The following CADPS2 variants were observed in gnomAD, a reference collection of about 807,000 sequenced individuals.
CADPS2 encodes the protein calcium dependent secretion activator 2, also known as calcium-dependent secretion activator 2.
Under a neutral mutation model 172.5 loss-of-function variants are expected in CADPS2, and 93 were observed. That is an observed-to-expected ratio of 0.54 (90% CI 0.46 to 0.64). CADPS2 has a LOEUF of 0.64. CADPS2 is among the 30% of genes least tolerant of loss of function. CADPS2 has a pLI of 0.00. For synonymous variants in CADPS2, 546 were observed against 555.2 expected, an observed-to-expected ratio of 0.98 and a Z score of 0.23; for missense variants, 1,420 against 1,565.9, an observed-to-expected ratio of 0.91 and a Z score of 1.57.
At chr7:122,702,590 G>T in intron 2 of CADPS2, 2 of 1,613,554 alleles carry the variant, frequency 1.2e-6, no homozygotes, top group Non-Finnish European at 1.7e-6. Flanking sequence ...TCCTAATTCC[G>T]ATGTGATCTC....
intron 8 of CADPS2, among the ~76,000 whole-genome samples, chr7:122,527,611 A>AGT (rs2061355685): frequency 9.0e-6 from 1 of 110,736 alleles, no homozygotes; most frequent in Non-Finnish European, 2.0e-5. Flanking sequence ...AGAGAGAGAG[A>AGT]GAGAGAGTGT....
chr7:122,824,305 G>T (rs534285398), intron 1 of CADPS2, among the ~76,000 whole-genome samples: 19 of 152,230 alleles, frequency 1.2e-4, no homozygotes, highest in African/African-American at 4.6e-4. Flanking sequence ...AAGAGCTAAG[G>T]TCCATCTCAA....
chr7:122,354,995 T>C (rs1383936767), intron 27 of CADPS2, among the ~76,000 whole-genome samples: 1 of 152,214 alleles, frequency 6.6e-6, no homozygotes, highest in African/African-American at 2.4e-5. Context: ...CTGGAATTTA[T>C]TTCTGTTCAG....
In CADPS2 at chr7:122,490,236, T is replaced by C; in HGVS notation, c.1697A>G (p.Asp566Gly). 6.2e-7 allele frequency: 1 copy of C among 1,613,184 alleles called. No homozygotes were observed. Among genetic ancestry groups the C allele is most frequent in the Non-Finnish European group, 8.5e-7 (1 of 1,179,508 alleles). ...CMFFNAVKEG[D>G]TVIFASDDEQ... ...ATCATCACTGGCAAAGATTACAGTA[T>C]CTCCTTCTTTAACAGCATTAAAGAA... Residue 566 changes from aspartate to glycine, a missense_variant, in exon 11 of 30, where the codon GAT (aspartate) becomes GGT (glycine). Physicochemically the swap from Asp to Gly is moderately conservative, Grantham distance 94 (BLOSUM62 -1). Coordinates refer to ENST00000449022, the MANE Select transcript of CADPS2 (RefSeq NM_017954.11).
At chr7:122,400,341 G>A (rs1183012943) in intron 20 of CADPS2, among the ~76,000 whole-genome samples, 1 of 152,002 alleles carries the variant, frequency 6.6e-6, no homozygotes, top group Admixed American at 6.5e-5. Flanking sequence ...GGAGGCTGAG[G>A]CAGGAGAATT....
intron 4 of CADPS2, 37 bp from the exon 5 acceptor site, chr7:122,621,754 G>T: frequency 8.6e-7 from 1 of 1,165,792 alleles, no homozygotes; most frequent in Non-Finnish European, 1.2e-6. Flanking sequence ...TGTTACATAA[G>T]TCATATTTCA....
chr7:122,433,708 TTC>T (rs2050273113), intron 17 of CADPS2, among the ~76,000 whole-genome samples: 1 of 152,130 alleles, frequency 6.6e-6, no homozygotes, highest in Non-Finnish European at 1.5e-5. Context: ...TGGCCGATTT[TTC>T]TCTTTTCTAA....
chr7:122,727,302 T>C (rs1287555462), intron 2 of CADPS2, among the ~76,000 whole-genome samples: 3 of 151,826 alleles, frequency 2.0e-5, no homozygotes, highest in Non-Finnish European at 4.4e-5. Context: ...CAGCCTTTCC[T>C]TGGGCCTGGG....
chr7:122,717,249 T>C (rs751812254), intron 2 of CADPS2, among the ~76,000 whole-genome samples: 20 of 152,148 alleles, frequency 1.3e-4, no homozygotes, highest in Non-Finnish European at 2.2e-4. Context: ...TCTCATCTTC[T>C]CAATTTGGTC....
chr7:122,745,385 A>T (rs2092679405), intron 1 of CADPS2, among the ~76,000 whole-genome samples: 1 of 151,912 alleles, frequency 6.6e-6, no homozygotes, highest in African/African-American at 2.4e-5. Flanking sequence ...ATCTAGTAAG[A>T]GACAGGGATA....
At chr7:122,362,688 T>C (rs116482591) in intron 25 of CADPS2, among the ~76,000 whole-genome samples, 451 of 152,190 alleles carry the variant, frequency 3.0e-3, no homozygotes, top group African/African-American at 9.4e-3. Context: ...GTTTTTTCAA[T>C]AGGAAAAGGG....
intron 9 of CADPS2, among the ~76,000 whole-genome samples, chr7:122,497,149 CTTTT>C (rs2058800537): frequency 6.6e-6 from 1 of 151,810 alleles, no homozygotes; most frequent in South Asian, 2.1e-4. Flanking sequence ...TACAATCTTT[CTTTT>C]GTTTAGTATG....
chr7:122,332,017 A>G (rs1191808481), intron 28 of CADPS2: 8 of 152,224 alleles, frequency 5.3e-5, no homozygotes, highest in Admixed American at 5.2e-4. Flanking sequence ...CCTTACTGAC[A>G]GTCACTGCAA....
At chr7:122,481,300 C>T (rs1408847387) in intron 11 of CADPS2, among the ~76,000 whole-genome samples, 1 of 151,556 alleles carries the variant, frequency 6.6e-6, no homozygotes, top group African/African-American at 2.4e-5. Context: ...TAAAACTTTA[C>T]TAGCAGCCTG....
intron 15 of CADPS2, among the ~76,000 whole-genome samples, chr7:122,442,068 A>G (rs1180599708): frequency 1.3e-5 from 2 of 152,138 alleles, no homozygotes; most frequent in Non-Finnish European, 2.9e-5. Flanking sequence ...CTCCCCATAC[A>G]ATACACATAA....
chr7:122,530,982 T>C (rs893798495), intron 8 of CADPS2, among the ~76,000 whole-genome samples: 24 of 152,046 alleles, frequency 1.6e-4, no homozygotes, highest in African/African-American at 5.3e-4. Context: ...GGGCGTAAGA[T>C]AGGAATCTTC....
At chr7:122,648,514 G>A (rs1045030464) in intron 3 of CADPS2, among the ~76,000 whole-genome samples, 12 of 151,976 alleles carry the variant, frequency 7.9e-5, no homozygotes, top group East Asian at 1.9e-4. Flanking sequence ...AAGAGGAACC[G>A]TCATACACCA....
chr7:122,498,074 A>G (rs2058894613), intron 9 of CADPS2, among the ~76,000 whole-genome samples: 1 of 152,076 alleles, frequency 6.6e-6, no homozygotes, highest in African/African-American at 2.4e-5. Flanking sequence ...CAGCTTCCCA[A>G]GTAGCTGGGA....
chr7:122,340,227 A>G (rs1278714769), intron 28 of CADPS2, among the ~76,000 whole-genome samples: 2 of 152,180 alleles, frequency 1.3e-5, no homozygotes, highest in Non-Finnish European at 2.9e-5. Flanking sequence ...AAGACATCAT[A>G]ACATTAAAAA....
Sources: allele counts gnomAD v4.1 joint callset (sites outside exome capture counted in the v4.1 genomes callset), GRCh38; gene constraint gnomAD v4.1.1; transcripts MANE v1.5; gene names NCBI Gene and HGNC (gene_info 2026-07-23, HGNC 2026-07-21).